SINHCAF: variants seen among roughly 807,000 people sequenced by gnomAD.
SINHCAF encodes SIN3-HDAC complex associated factor.
SINHCAF carries 3 observed loss-of-function variants against 25.8 expected under a neutral mutation model. That is an observed-to-expected ratio of 0.12 (90% CI 0.05 to 0.30). The LOEUF is 0.30. SINHCAF is among the 10% of genes least tolerant of loss of function. The pLI, the probability that SINHCAF is intolerant of heterozygous loss-of-function variation, is 1.00. For missense variants in SINHCAF, 121 were observed against 262.3 expected, an observed-to-expected ratio of 0.46 and a Z score of 3.72; for synonymous variants, 70 against 85.5, an observed-to-expected ratio of 0.82 and a Z score of 1.00.
At chr12:31,300,343 G>T (rs985119238) in intron 1 of SINHCAF, among the ~76,000 whole-genome samples, 12 of 152,180 alleles carry the variant, frequency 7.9e-5, no homozygotes, top group African/African-American at 2.9e-4. Flanking sequence ...TTGTTGGTGA[G>T]AGAGGCAGGC....
chr12:31,299,339 CAG>C (rs764778894), intron 1 of SINHCAF, among the ~76,000 whole-genome samples: 27 of 150,676 alleles, frequency 1.8e-4, no homozygotes, highest in Non-Finnish European at 2.1e-4. Flanking sequence ...TTTTTGGAGA[CAG>C]AGTCTCACTC....
At chr12:31,301,060 G>C (rs1938771673) in intron 1 of SINHCAF, among the ~76,000 whole-genome samples, 1 of 152,122 alleles carries the variant, frequency 6.6e-6, no homozygotes, top group Admixed American at 6.6e-5. Context: ...CTCATCTCTA[G>C]GATGTGAACT....
intron 2 of SINHCAF, 44 bp from the exon 3 acceptor site, chr12:31,295,377 A>G: frequency 7.7e-7 from 1 of 1,292,298 alleles, no homozygotes; most frequent in Non-Finnish European, 1.1e-6. Context: ...CCCTTACCTT[A>G]AAGAATTCAT....
At chr12:31,295,597 C>T (rs1325157518) in intron 2 of SINHCAF, among the ~76,000 whole-genome samples, 2 of 150,796 alleles carry the variant, frequency 1.3e-5, no homozygotes, top group African/African-American at 2.5e-5. Flanking sequence ...AGGCTGGGTG[C>T]GGTGGCTCAC....
rs116768529 is a variant in SINHCAF at position 31,316,253 on chromosome 12, A to T, written c.-21+9771T>A. ...GAATATCCCAAAGTTAAAAAAGATT[A>T]AAGGTAATAGCTAAGTCAGCAAAAG... is the stretch of plus-strand genomic sequence containing the variant. On this transcript the variant is annotated intron_variant, in intron 1 of 5. Transcript: ENST00000337682. 2.7e-3 allele frequency among the ~76,000 whole-genome samples: 408 copies of T among 152,312 alleles called. 2 individuals carry two copies. The highest frequency in any genetic ancestry group is 9.2e-3 in the African/African-American group (382 of 41,578).
chr12:31,314,401 C>T (rs1055053227), intron 1 of SINHCAF, among the ~76,000 whole-genome samples: 7 of 152,174 alleles, frequency 4.6e-5, no homozygotes, highest in African/African-American at 1.7e-4. Context: ...TGGCGGGCGC[C>T]TGTAATCCCA....
intron 4 of SINHCAF, among the ~76,000 whole-genome samples, chr12:31,291,007 C>T (rs1166188296): frequency 6.6e-6 from 1 of 152,190 alleles, no homozygotes; most frequent in African/African-American, 2.4e-5. Context: ...GTGTAAGCCT[C>T]CATGCCCAGC....
At chr12:31,312,099 A>AACTT in intron 1 of SINHCAF, 3 of 467,796 alleles carry the variant, frequency 6.4e-6, no homozygotes, top group South Asian at 4.9e-5. Context: ...TCCCAATGGT[A>AACTT]ACAACTGACA....
At chr12:31,316,380 G>T (rs948721164) in intron 1 of SINHCAF, among the ~76,000 whole-genome samples, 1 of 152,140 alleles carries the variant, frequency 6.6e-6, no homozygotes, top group African/African-American at 2.4e-5. Context: ...TGGCTGATTT[G>T]TAGGGTTTTC....
At chr12:31,291,227 G>C (rs188194963) in intron 4 of SINHCAF, among the ~76,000 whole-genome samples, 1 of 152,310 alleles carries the variant, frequency 6.6e-6, no homozygotes, top group East Asian at 1.9e-4. Context: ...ATAGTAAGCA[G>C]AAATCACTGC....
intron 1 of SINHCAF, among the ~76,000 whole-genome samples, chr12:31,299,129 T>C (rs1426165569): frequency 6.6e-6 from 1 of 151,576 alleles, no homozygotes; most frequent in Non-Finnish European, 1.5e-5. Context: ...ATCTGTACCT[T>C]AGGAAAAGTA....
At chr12:31,289,738 T>C (rs530881779) in intron 4 of SINHCAF, among the ~76,000 whole-genome samples, 2 of 152,164 alleles carry the variant, frequency 1.3e-5, no homozygotes, top group South Asian at 4.1e-4. Flanking sequence ...ATTAAATATT[T>C]ATAAGGCATC....
chr12:31,286,618 G>A (rs555858220), intron 5 of SINHCAF, among the ~76,000 whole-genome samples: 7 of 147,498 alleles, frequency 4.7e-5, no homozygotes, highest in South Asian at 4.3e-4. Context: ...AGCAGAGATC[G>A]AGCCATTGCA....
chr12:31,291,848 C>G (rs1301136422), intron 4 of SINHCAF, among the ~76,000 whole-genome samples: 1 of 151,562 alleles, frequency 6.6e-6, no homozygotes, highest in Non-Finnish European at 1.5e-5. Flanking sequence ...AAACACATAA[C>G]CAGAAGCACA....
chr12:31,307,393 A>G (rs1939076117), intron 1 of SINHCAF, among the ~76,000 whole-genome samples: 2 of 152,104 alleles, frequency 1.3e-5, no homozygotes, highest in Admixed American at 1.3e-4. Flanking sequence ...TGTCTCTACA[A>G]AAAATATAAA....
rs1408549641 is a variant in SINHCAF, at chr12:31,287,804, A to G, written c.356-20T>C. The G allele has an allele frequency of 1.3e-6, 2 of 1,551,480 alleles. No homozygotes were observed. The highest frequency in any genetic ancestry group is 1.8e-5 in the Admixed American group (1 of 55,386). ...CAGAATCTGCAATAAAGATTAAGAG[A>G]AAAAATAAAATTTTCAATTTCATTA... On this transcript the variant is annotated intron_variant, in intron 4 of 5. Transcript: ENST00000337682.
At chr12:31,300,549 A>G (rs1938747096) in intron 1 of SINHCAF, among the ~76,000 whole-genome samples, 1 of 152,232 alleles carries the variant, frequency 6.6e-6, no homozygotes, top group East Asian at 1.9e-4. Flanking sequence ...GAAAAGATCT[A>G]GAGAGGCCTG....
intron 4 of SINHCAF, among the ~76,000 whole-genome samples, chr12:31,291,440 C>T (rs1401975343): frequency 2.6e-5 from 4 of 152,150 alleles, no homozygotes; most frequent in Non-Finnish European, 4.4e-5. Context: ...AGGTCCAATG[C>T]CTTTTCAGTA....
chr12:31,317,971 A>T (rs1272490533), intron 1 of SINHCAF, among the ~76,000 whole-genome samples: 2 of 152,246 alleles, frequency 1.3e-5, no homozygotes, highest in Non-Finnish European at 2.9e-5. Context: ...GATGATGGGA[A>T]AGGAAAAGAA....
Sources: gnomAD v4.1 joint callset for allele counts (sites outside exome capture counted in the v4.1 genomes callset) on GRCh38, gnomAD v4.1.1 for gene constraint, MANE v1.5 for transcripts, NCBI Gene and HGNC (gene_info 2026-07-23, HGNC 2026-07-21) for gene names.